GLRA3: variants seen among roughly 807,000 people sequenced by gnomAD.
GLRA3 encodes the protein glycine receptor subunit alpha-3.
In GLRA3, 44 loss-of-function variants were observed where a neutral mutation model predicts 60.4. The ratio of observed to expected loss-of-function variants is 0.73; its 90% CI spans 0.57 to 0.94. GLRA3 has a LOEUF of 0.94. Among genes scored for constraint, GLRA3 ranks in the 40% least tolerant of loss-of-function variants. The probability of loss-of-function intolerance (pLI) is 0.00; values close to 1 mark genes in which losing one functional copy is unlikely to be tolerated. For missense variants in GLRA3, 508 were observed against 564.6 expected, an observed-to-expected ratio of 0.90 and a Z score of 1.02; for synonymous variants, 223 against 192.9, an observed-to-expected ratio of 1.16 and a Z score of -1.29.
chr4:174,692,956 A>T (rs946753239), intron 5 of GLRA3, among the ~76,000 whole-genome samples: 1 of 152,028 alleles, frequency 6.6e-6, no homozygotes, highest in African/African-American at 2.4e-5. Flanking sequence ...ATAAAAAAAA[A>T]AAAAGAAAAG....
intron 7 of GLRA3, among the ~76,000 whole-genome samples, chr4:174,676,340 A>G (rs1734115774): frequency 7.2e-6 from 1 of 138,376 alleles, no homozygotes; most frequent in South Asian, 2.5e-4. Context: ...AAAATAATAT[A>G]TACCATATTG....
intron 9 of GLRA3, among the ~76,000 whole-genome samples, chr4:174,655,444 A>G (rs2110876524): frequency 6.6e-6 from 1 of 152,236 alleles, no homozygotes; most frequent in South Asian, 2.1e-4. Context: ...GAATGTATTG[A>G]CTTCCCATAA....
chr4:174,650,248 T>C (rs1579386778), intron 9 of GLRA3, among the ~76,000 whole-genome samples: 1 of 152,178 alleles, frequency 6.6e-6, no homozygotes, highest in Admixed American at 6.5e-5. Flanking sequence ...ATTTGGCAGG[T>C]ACATTTTGGA....
chr4:174,672,120 C>T (rs1733930117), intron 7 of GLRA3, among the ~76,000 whole-genome samples: 1 of 152,204 alleles, frequency 6.6e-6, no homozygotes, highest in South Asian at 2.1e-4. Flanking sequence ...AATATTTTAT[C>T]AAAAAGCCAT....
At chr4:174,699,139 A>T (rs959195181) in intron 5 of GLRA3, among the ~76,000 whole-genome samples, 1 of 151,984 alleles carries the variant, frequency 6.6e-6, no homozygotes, top group Non-Finnish European at 1.5e-5. Flanking sequence ...CTGGGACTAC[A>T]GGCGTATGTC....
intron 2 of GLRA3, among the ~76,000 whole-genome samples, chr4:174,782,175 A>G (rs1738905766): frequency 6.7e-6 from 1 of 148,394 alleles, no homozygotes; most frequent in Non-Finnish European, 1.5e-5. Context: ...ATGCAAATCA[A>G]TAAATGTAAT....
In GLRA3 at chr4:174,670,093, A is replaced by G. The variant is rs1733846829; in HGVS notation, c.927+6985T>C. 1.3e-5 allele frequency among the ~76,000 whole-genome samples: 2 copies of G among 152,160 alleles called. 1 individual carries two copies. The highest frequency in any genetic ancestry group is 4.1e-4 in the South Asian group (2 of 4,828). ...TCTGTAGGATGTAGCTCTTTTTCTT[A>G]TATTTAACACTGATATGAAATTGTC... is the stretch of plus-strand genomic sequence containing the variant. On this transcript the variant is annotated intron_variant, in intron 7 of 9. Coordinates refer to ENST00000274093, the MANE Select transcript of GLRA3 (RefSeq NM_006529.4).
intron 2 of GLRA3, among the ~76,000 whole-genome samples, chr4:174,780,527 TAA>T (rs1738822404): frequency 6.9e-6 from 1 of 145,368 alleles, no homozygotes; most frequent in South Asian, 2.3e-4. Context: ...GCAAATTGGA[TAA>T]AGAGTCAAGA....
At chr4:174,787,022 G>C (rs765816995) in intron 2 of GLRA3, among the ~76,000 whole-genome samples, 1 of 151,880 alleles carries the variant, frequency 6.6e-6, no homozygotes, top group Non-Finnish European at 1.5e-5. Context: ...ATCCTTGGGG[G>C]TCCTTTCCTG....
rs901089027 is a variant in GLRA3, at chr4:174,654,652, A to T, written c.1116+2091T>A. 2.6e-5 allele frequency among the ~76,000 whole-genome samples: 4 copies of T among 152,180 alleles called. No individual in the cohort carries two copies. In the East Asian group the frequency reaches 7.7e-4, roughly 29 times the overall value. On this transcript the variant is annotated intron_variant, in intron 9 of 9. Coordinates refer to ENST00000274093, the MANE Select transcript of GLRA3 (RefSeq NM_006529.4). ...ACATGAAATGCATTAAAGCAATCTC[A>T]TTTCATTCATATCTCTCAACAAATA...
chr4:174,763,677 G>A (rs1738025611), intron 3 of GLRA3, among the ~76,000 whole-genome samples: 1 of 152,118 alleles, frequency 6.6e-6, no homozygotes, highest in Non-Finnish European at 1.5e-5. Context: ...GCCACTTAAT[G>A]TGGAGATCTT....
chr4:174,720,507 A>G (rs922616405), intron 4 of GLRA3, among the ~76,000 whole-genome samples: 4 of 152,150 alleles, frequency 2.6e-5, no homozygotes, highest in Admixed American at 2.6e-4. Flanking sequence ...AAGAGACTTA[A>G]CCCAAATCAC....
rs72998774 is a variant in GLRA3 at position 174,658,455 on chromosome 4, T to C, written c.1071+599A>G. Among the ~76,000 whole-genome samples, 388 of 152,304 alleles carry C rather than the reference T, an allele frequency of 2.5e-3. 4 individuals carry two copies. The highest frequency in any genetic ancestry group is 8.9e-3 in the African/African-American group (368 of 41,574). On this transcript the variant is annotated intron_variant, in intron 8 of 9. Transcript: ENST00000274093. ...GGTTTACTTCTGCAACTTCCTACGG[T>C]GTCTTCATGATGTTCTAAGTTTCCT...
chr4:174,643,865 G>A lies in GLRA3; in HGVS notation c.1316C>T (p.Ala439Val), dbSNP rs1164624721. The change falls in exon 10 of 10, where the codon GCT becomes GTT. Residue 439 changes from alanine (A) to valine (V), a missense_variant. Around this residue, in one of 3 missense-constraint regions of GLRA3, gnomAD observed 176 missense variants for 197.9 expected, o/e 0.89. Coordinates refer to ENST00000274093, the MANE Select transcript of GLRA3 (RefSeq NM_006529.4). ...DTISRACFPLAFLIFNIFYWV... is the reference protein window; with the variant it reads ...DTISRACFPLVFLIFNIFYWV... ...GTAGAAAATATTAAAAATCAAAAAA[G>A]CTAATGGGAAGCAGGCTCGGGAGAT... The A allele has an allele frequency of 6.2e-7, 1 of 1,613,938 alleles. No individual in the cohort carries two copies. The highest frequency in any genetic ancestry group is 8.5e-7 in the Non-Finnish European group (1 of 1,179,880).
At chr4:174,800,729 C>G (rs919971803) in intron 1 of GLRA3, among the ~76,000 whole-genome samples, 6 of 151,990 alleles carry the variant, frequency 3.9e-5, no homozygotes, top group Non-Finnish European at 7.4e-5. Context: ...TAGACAGTGC[C>G]TAGCTTATGA....
chr4:174,777,883 A>T (rs973483979), intron 2 of GLRA3, among the ~76,000 whole-genome samples: 1 of 152,218 alleles, frequency 6.6e-6, no homozygotes, highest in African/African-American at 2.4e-5. Context: ...AATTTAAAAA[A>T]GTCAGAAAAA....
intron 3 of GLRA3, among the ~76,000 whole-genome samples, chr4:174,735,525 C>T (rs546295627): frequency 2.6e-5 from 4 of 152,184 alleles, no homozygotes; most frequent in African/African-American, 7.2e-5. Flanking sequence ...TAAACATAAT[C>T]GTTTACACAT....
chr4:174,777,720 C>T (rs207465287), intron 2 of GLRA3, among the ~76,000 whole-genome samples: 5 of 152,142 alleles, frequency 3.3e-5, no homozygotes, highest in East Asian at 3.9e-4. Context: ...CAGTTCATAA[C>T]GTACTAATCT....
chr4:174,683,008 T>A, intron 5 of GLRA3, 69 bp from the exon 6 acceptor site: 1 of 1,272,326 alleles, frequency 7.9e-7, no homozygotes, highest in Non-Finnish European at 1.1e-6. Flanking sequence ...TGCAAATTAC[T>A]TTATAGTCAC....
Sources: allele counts gnomAD v4.1 joint callset (sites outside exome capture counted in the v4.1 genomes callset), GRCh38; gene constraint gnomAD v4.1.1; regional missense constraint gnomAD v4.1.1; transcripts MANE v1.5; gene names NCBI Gene and HGNC (gene_info 2026-07-23, HGNC 2026-07-21).